Variants in IL1RAPL1 observed in about 807,000 individuals in gnomAD.
The protein encoded by IL1RAPL1 is interleukin 1 receptor accessory protein like 1, also known as interleukin-1 receptor accessory protein-like 1.
Under a neutral mutation model 48.4 loss-of-function variants are expected in IL1RAPL1, and 3 were observed. That is an observed-to-expected ratio of 0.06 (90% CI 0.03 to 0.16). The LOEUF (loss-of-function observed/expected upper bound fraction) is 0.16, where lower values mean the gene tolerates loss of function less well. Among genes scored for constraint, IL1RAPL1 ranks in the 10% least tolerant of loss-of-function variants. IL1RAPL1 has a pLI of 1.00. For synonymous variants in IL1RAPL1, 185 were observed against 187.7 expected (o/e 0.99, Z 0.12); for missense variants, 349 against 530.6 (o/e 0.66, Z 3.36).
chrX:28,688,481 AT>A (rs1419750968), intron 1 of IL1RAPL1, among the ~76,000 whole-genome samples: 12 of 111,924 alleles, frequency 1.1e-4, no homozygotes, highest in African/African-American at 3.9e-4. Context: ...AAGCACTTGG[AT>A]TATAGGCATG....
intron 1 of IL1RAPL1, among the ~76,000 whole-genome samples, chrX:28,763,710 T>C (rs1936202287): frequency 9.0e-6 from 1 of 111,156 alleles, no homozygotes; most frequent in African/African-American, 3.3e-5. Context: ...TTTTTCTCAA[T>C]GTTGGCCTGC....
At chrX:29,560,686 C>T (rs1258407163) in intron 5 of IL1RAPL1, among the ~76,000 whole-genome samples, 1 of 112,166 alleles carries the variant, frequency 8.9e-6, no homozygotes, top group Admixed American at 9.4e-5. Flanking sequence ...TTATATTCTT[C>T]AGCTCCAGAA....
chrX:29,050,907 G>A (rs1040851184), intron 2 of IL1RAPL1, among the ~76,000 whole-genome samples: 7 of 112,246 alleles, frequency 6.2e-5, no homozygotes, highest in African/African-American at 2.3e-4. Context: ...CTGCATGTTT[G>A]AGAATCAATG....
At chrX:29,205,398 C>G (rs1930642737) in intron 2 of IL1RAPL1, among the ~76,000 whole-genome samples, 2 of 111,553 alleles carry the variant, frequency 1.8e-5, no homozygotes, top group Non-Finnish European at 3.8e-5. Context: ...TGAGATTCTC[C>G]CAAAACGCAT....
chrX:29,655,869 A>G (rs1208682471), intron 5 of IL1RAPL1, among the ~76,000 whole-genome samples: 1 of 110,790 alleles, frequency 9.0e-6, no homozygotes, highest in Non-Finnish European at 1.9e-5. Flanking sequence ...AATTTTCCCT[A>G]CTGCACACCC....
intron 1 of IL1RAPL1, among the ~76,000 whole-genome samples, chrX:28,594,964 C>T (rs1410139090): frequency 1.8e-5 from 2 of 111,441 alleles, no homozygotes; most frequent in Non-Finnish European, 1.9e-5. Flanking sequence ...TGGAGCCTCT[C>T]CACTTTCTGG....
intron 2 of IL1RAPL1, among the ~76,000 whole-genome samples, chrX:29,029,208 C>T (rs763819173): frequency 9.0e-6 from 1 of 111,293 alleles, no homozygotes; most frequent in South Asian, 3.8e-4. Flanking sequence ...AGCCCTCCCA[C>T]GACATGTGGG....
At chrX:29,095,053 A>C (rs765707975) in intron 2 of IL1RAPL1, among the ~76,000 whole-genome samples, 1 of 109,742 alleles carries the variant, frequency 9.1e-6, no homozygotes, top group Admixed American at 9.9e-5. Flanking sequence ...TTTTTGGATT[A>C]TATTATTATT....
intron 2 of IL1RAPL1, among the ~76,000 whole-genome samples, chrX:29,043,252 C>T (rs755654185): frequency 7.2e-5 from 8 of 111,452 alleles, no homozygotes; most frequent in African/African-American, 2.6e-4. Context: ...TGTTTGTGAT[C>T]TCTTTATCCA....
At chrX:29,384,877 G>A (rs756372149) in intron 3 of IL1RAPL1, among the ~76,000 whole-genome samples, 4 of 111,994 alleles carry the variant, frequency 3.6e-5, no homozygotes, top group African/African-American at 1.3e-4. Flanking sequence ...ACATAGAAAT[G>A]GAATTTAGAG....
chrX:29,691,730 G>A (rs1388928355), intron 6 of IL1RAPL1, among the ~76,000 whole-genome samples: 2 of 86,829 alleles, frequency 2.3e-5, no homozygotes, highest in African/African-American at 4.6e-5. Context: ...CGGCCTGGGC[G>A]ACAGAGCGAG....
intron 5 of IL1RAPL1, among the ~76,000 whole-genome samples, chrX:29,650,798 G>A (rs950754085): frequency 1.8e-5 from 2 of 110,496 alleles, no homozygotes; most frequent in African/African-American, 6.6e-5. Flanking sequence ...AAACTAAGAA[G>A]CTTCTGCACA....
At chrX:29,920,655 G>A (rs1413465652) in intron 8 of IL1RAPL1, among the ~76,000 whole-genome samples, 1 of 107,815 alleles carries the variant, frequency 9.3e-6, no homozygotes, top group South Asian at 4.1e-4. Flanking sequence ...ATTAGCTGGC[G>A]GTAGTGGTGC....
intron 1 of IL1RAPL1, among the ~76,000 whole-genome samples, chrX:28,766,900 C>A (rs1446525437): frequency 1.8e-5 from 2 of 110,485 alleles, no homozygotes; most frequent in Non-Finnish European, 3.8e-5. Context: ...AATAGTAGTT[C>A]ATTGTGTATA....
chrX:29,051,310 C>A (rs915315875), intron 2 of IL1RAPL1, among the ~76,000 whole-genome samples: 1 of 111,787 alleles, frequency 8.9e-6, no homozygotes, highest in Admixed American at 9.5e-5. Context: ...ATGGACTCAA[C>A]ATTGATTCTC....
chrX:29,471,971 T>C (rs909195630), intron 5 of IL1RAPL1, among the ~76,000 whole-genome samples: 3 of 111,807 alleles, frequency 2.7e-5, no homozygotes, highest in Non-Finnish European at 5.6e-5. Context: ...TTGCTTTCAT[T>C]TTGAGGCTAC....
Position 29,403,053 on chromosome X carries a change from A to G in IL1RAPL1, c.703+3745A>G, listed in dbSNP as rs776260210. ...TTTTATACTGTAGTTTTTGTCATCC[A>G]TGCTATATGTCATCCATGCTAAAGG... On this transcript the variant is annotated intron_variant, in intron 5 of 10. Transcript: ENST00000378993. 8.1e-5 allele frequency among the ~76,000 whole-genome samples: 9 copies of G among 111,569 alleles called. No individual in the cohort carries two copies. The East Asian group carries it at 2.5e-3, about 32-fold the overall frequency.
chrX:28,923,317 C>G (rs1923660238), intron 2 of IL1RAPL1, among the ~76,000 whole-genome samples: 1 of 110,562 alleles, frequency 9.0e-6, no homozygotes, highest in Non-Finnish European at 1.9e-5. Context: ...GCTGGGATTA[C>G]AGGCAAGCAC....
Position 28,788,382 on chromosome X carries a change from C to G in IL1RAPL1, c.-24-938C>G, listed in dbSNP as rs184689357. Among the ~76,000 whole-genome samples, 5 of 112,018 alleles carry G rather than the reference C, an allele frequency of 4.5e-5. No individual in the cohort carries two copies. The Admixed American group carries it at 4.8e-4, about 11-fold the overall frequency. On this transcript the variant is annotated intron_variant, in intron 1 of 10. Transcript: ENST00000378993. ...TATTTCTCCTTTAGAAATCCAAACACACTAGGTTAGTGTCCCTTCTTATAT... is the reference window on the plus strand; with the variant it reads ...TATTTCTCCTTTAGAAATCCAAACAGACTAGGTTAGTGTCCCTTCTTATAT...
Sources: gnomAD v4.1 joint callset for allele counts (sites outside exome capture counted in the v4.1 genomes callset) on GRCh38, gnomAD v4.1.1 for gene constraint, MANE v1.5 for transcripts, NCBI Gene and HGNC (gene_info 2026-07-23, HGNC 2026-07-21) for gene names.